Variants in RNF144A observed in about 807,000 individuals in gnomAD.
RNF144A encodes ring finger protein 144A, also known as E3 ubiquitin-protein ligase RNF144A.
A neutral mutation model predicts 38.7 loss-of-function variants in RNF144A; 11 were observed. The ratio of observed to expected loss-of-function variants is 0.28; its 90% CI spans 0.18 to 0.47. The LOEUF (loss-of-function observed/expected upper bound fraction) is 0.47. Among genes scored for constraint, RNF144A ranks in the 20% least tolerant of loss-of-function variants. The pLI is 0.99. For missense variants in RNF144A, 316 were observed against 377.2 expected, an observed-to-expected ratio of 0.84 and a Z score of 1.34; for synonymous variants, 149 against 143.9, an observed-to-expected ratio of 1.04 and a Z score of -0.25.
chr2:7,038,913 G>A (rs1391133305), intron 8 of RNF144A, among the ~76,000 whole-genome samples: 1 of 151,606 alleles, frequency 6.6e-6, no homozygotes, highest in African/African-American at 2.4e-5. Context: ...GGATGAGAGT[G>A]GATGGATAGA....
At chr2:6,993,610 G>C (rs1395241210) in intron 2 of RNF144A, among the ~76,000 whole-genome samples, 1 of 152,130 alleles carries the variant, frequency 6.6e-6, no homozygotes, top group African/African-American at 2.4e-5. Flanking sequence ...TCTGTGGAGC[G>C]GTTAAGCTCT....
At chr2:7,014,247 G>C (rs1670999728) in intron 3 of RNF144A, among the ~76,000 whole-genome samples, 2 of 152,226 alleles carry the variant, frequency 1.3e-5, no homozygotes, top group African/African-American at 2.4e-5. Context: ...TGAGCATACA[G>C]TCCCTGGCAC....
chr2:7,062,413 C>T (rs1158470926), intron 6 of RNF144A, among the ~76,000 whole-genome samples: 2 of 150,300 alleles, frequency 1.3e-5, no homozygotes, highest in Non-Finnish European at 2.9e-5. Flanking sequence ...CTGGGAGTTC[C>T]TGCAAAGACC....
chr2:7,026,409 G>A (rs1328608147), intron 7 of RNF144A, among the ~76,000 whole-genome samples: 2 of 152,096 alleles, frequency 1.3e-5, no homozygotes, highest in African/African-American at 4.8e-5. Context: ...AAGTCCTCAA[G>A]GGGATTTGTG....
At chr2:7,027,319 T>C (rs1367098285) in intron 7 of RNF144A, among the ~76,000 whole-genome samples, 1 of 152,238 alleles carries the variant, frequency 6.6e-6, no homozygotes, top group East Asian at 1.9e-4. Context: ...AAAAGGGACA[T>C]GTGCAGTTTC....
intron 5 of RNF144A, among the ~76,000 whole-genome samples, chr2:7,018,098 T>C (rs900730331): frequency 6.6e-6 from 1 of 152,148 alleles, no homozygotes; most frequent in African/African-American, 2.4e-5. Flanking sequence ...ACAAATCACG[T>C]GCATGAAGAG....
At chr2:7,003,592 G>A (rs958579132) in intron 3 of RNF144A, among the ~76,000 whole-genome samples, 12 of 152,220 alleles carry the variant, frequency 7.9e-5, no homozygotes, top group Non-Finnish European at 1.8e-4. Context: ...GTGTGTAGTA[G>A]GCTATGCCAC....
At position 7,043,256 on chromosome 2, in the gene RNF144A, A is replaced by G; in HGVS notation, c.*3496A>G. ...ACAGGCCAGTTCCTGATTAGAACAC[A>G]GGACCTGTGGGAGGGACTATCAGAG... On this transcript the variant is annotated 3_prime_UTR_variant, in exon 9 of 9. Transcript: ENST00000320892. 2 of 985,032 alleles carry G rather than the reference A, an allele frequency of 2.0e-6. No individual in the cohort carries two copies. The highest frequency in any genetic ancestry group is 2.4e-6 in the Non-Finnish European group (2 of 829,536). The allele number at this position is 985,032 out of a possible 1,614,324, so 61.0% of individuals were successfully genotyped here.
intron 8 of RNF144A, among the ~76,000 whole-genome samples, chr2:7,039,271 A>T (rs1027674073): frequency 6.8e-6 from 1 of 146,554 alleles, no homozygotes; most frequent in Non-Finnish European, 1.5e-5. Context: ...TAATGGATGA[A>T]TGGGTAGATG....
intron 2 of RNF144A, among the ~76,000 whole-genome samples, chr2:6,942,678 T>A (rs887554138): frequency 1.3e-5 from 2 of 152,118 alleles, no homozygotes; most frequent in African/African-American, 4.8e-5. Context: ...CCAGAGAAGG[T>A]TTGGGTGCAA....
rs57444893 is a variant in RNF144A at position 6,965,055 on chromosome 2, C to T, written c.-12+23908C>T. On this transcript the variant is annotated intron_variant, in intron 2 of 8. Transcript: ENST00000320892. Reference sequence around the variant, plus strand: ...TAGGTATACAAGTAGGATTTCTGCACACAGAGGAGTTCTGCCTGCGTGTGT... The same window carrying T: ...TAGGTATACAAGTAGGATTTCTGCATACAGAGGAGTTCTGCCTGCGTGTGT... Among the ~76,000 whole-genome samples the T allele has an allele frequency of 2.4e-3, 373 of 152,288 alleles. 2 individuals carry two copies. The highest frequency in any genetic ancestry group is 6.4e-3 in the African/African-American group (266 of 41,552).
At position 7,030,149 on chromosome 2, in the gene RNF144A, C is replaced by T. The variant is rs573785745; in HGVS notation, c.681C>T (p.Tyr227=). 2.7e-5 allele frequency: 43 copies of T among 1,613,682 alleles called. No homozygotes were observed. Among genetic ancestry groups the T allele is most frequent in the South Asian group, 4.4e-5 (4 of 91,084 alleles). ...SLDDDFLLIH[Y]DKGPCRNKLG... is the part of the protein sequence containing the mutation. The stretch of plus-strand genomic sequence containing the variant: ...AGGATGATTTCCTTCTGATACACTA[C>T]GATAAGGGACCCTGCCGGAACAAGC... Residue 227 remains tyrosine (Y), a synonymous_variant, in exon 8 of 9, where the codon TAC becomes TAT. Coordinates refer to ENST00000320892, the MANE Select transcript of RNF144A (RefSeq NM_014746.6).
At chr2:6,957,892 C>T (rs1003704873) in intron 2 of RNF144A, among the ~76,000 whole-genome samples, 4 of 152,248 alleles carry the variant, frequency 2.6e-5, no homozygotes, top group African/African-American at 9.6e-5. Context: ...CCCCGCCTCT[C>T]ACCACTCAAT....
At chr2:6,985,003 C>T (rs1668859414) in intron 2 of RNF144A, among the ~76,000 whole-genome samples, 2 of 152,196 alleles carry the variant, frequency 1.3e-5, no homozygotes, top group South Asian at 4.1e-4. Flanking sequence ...TCCTCTCTTT[C>T]AGTGTTTCCC....
Position 7,040,041 on chromosome 2 carries a change from T to C in RNF144A, c.*281T>C. 1 of 1,151,290 alleles carries C rather than the reference T, an allele frequency of 8.7e-7. No homozygotes were observed. Among genetic ancestry groups the C allele is most frequent in the Non-Finnish European group, 1.1e-6 (1 of 932,568 alleles). 71.3% of individuals were successfully genotyped at this position (1,151,290 alleles called of 1,614,324 possible). ...GCTGTGAGAAGTGCACCAGGCAGCT[T>C]TCTCTCTGTGGTAGACTAGGCATGT... On this transcript the variant is annotated 3_prime_UTR_variant, in exon 9 of 9. Transcript: ENST00000320892.
chr2:7,057,472 G>C (rs1321754988), intron 6 of RNF144A, among the ~76,000 whole-genome samples: 1 of 152,170 alleles, frequency 6.6e-6, no homozygotes, highest in African/African-American at 2.4e-5. Flanking sequence ...AGGAGACCTG[G>C]GATGTCATCC....
chr2:7,015,918 G>A lies in RNF144A; in HGVS notation c.301+1146G>A, dbSNP rs902929261. The stretch of plus-strand genomic sequence containing the variant: ...AAACATGGCCGGATGGGGAGTGGAC[G>A]GCAGAGGAGACCAGAGGACAATATC... On this transcript the variant is annotated intron_variant, in intron 5 of 8. Coordinates refer to ENST00000320892, the MANE Select transcript of RNF144A (RefSeq NM_014746.6). Among the ~76,000 whole-genome samples the A allele has an allele frequency of 4.6e-5, 7 of 151,924 alleles. No homozygotes were observed. In the South Asian group the frequency reaches 8.3e-4, roughly 18 times the overall value.
At chr2:7,012,011 G>A (rs1201255683) in intron 3 of RNF144A, among the ~76,000 whole-genome samples, 1 of 152,168 alleles carries the variant, frequency 6.6e-6, no homozygotes, top group African/African-American at 2.4e-5. Context: ...TACGCTTCAT[G>A]CCACTTTTAA....
chr2:7,031,613 C>T (rs1258933223), intron 8 of RNF144A, among the ~76,000 whole-genome samples: 2 of 152,210 alleles, frequency 1.3e-5, no homozygotes, highest in Admixed American at 1.3e-4. Flanking sequence ...GTGACTCCTT[C>T]AGGAGAGCCT....
Sources: allele counts gnomAD v4.1 joint callset (sites outside exome capture counted in the v4.1 genomes callset), GRCh38; gene constraint gnomAD v4.1.1; transcripts MANE v1.5; gene names NCBI Gene and HGNC (gene_info 2026-07-23, HGNC 2026-07-21).